Variants in DGKI observed in about 807,000 individuals in gnomAD.
The protein encoded by DGKI is diacylglycerol kinase iota.
In DGKI, 55 loss-of-function variants were observed where a neutral mutation model predicts 147.5. The ratio of observed to expected loss-of-function variants is 0.37; its 90% CI spans 0.30 to 0.47. DGKI has a LOEUF of 0.47. Among genes scored for constraint, DGKI ranks in the 20% least tolerant of loss-of-function variants. The pLI, the probability that DGKI is intolerant of heterozygous loss-of-function variation, is 1.00. For synonymous variants in DGKI, 469 were observed against 477.1 expected, an observed-to-expected ratio of 0.98 and a Z score of 0.22; for missense variants, 1,007 against 1,323.8, an observed-to-expected ratio of 0.76 and a Z score of 3.71.
At chr7:137,569,388 TAG>T (rs1459796509) in intron 19 of DGKI, among the ~76,000 whole-genome samples, 1 of 151,902 alleles carries the variant, frequency 6.6e-6, no homozygotes, top group Non-Finnish European at 1.5e-5. Context: ...ATGGACAGTT[TAG>T]AGAGTTTTTT....
intron 21 of DGKI, among the ~76,000 whole-genome samples, chr7:137,501,983 A>G (rs1418180115): frequency 6.6e-6 from 1 of 152,146 alleles, no homozygotes; most frequent in South Asian, 2.1e-4. Flanking sequence ...TGGTTTTAAA[A>G]ATGGGAGTTT....
At position 137,828,103 on chromosome 7, in the gene DGKI, G is replaced by A. The variant is rs1798112360; in HGVS notation, c.401+18359C>T. On this transcript the variant is annotated intron_variant, in intron 1 of 32. Coordinates refer to ENST00000614521, the MANE Select transcript of DGKI (RefSeq NM_001321708.2). ...CAGCCTGTAGACAGGTCAATGTCTT[G>A]CTTCTCTCTATCACCAAGCCATAAA... Among the ~76,000 whole-genome samples, 3 of 152,164 alleles carry A rather than the reference G, an allele frequency of 2.0e-5. No individual in the cohort carries two copies. The South Asian group carries it at 6.2e-4, about 32-fold the overall frequency.
In DGKI at chr7:137,844,826, T is replaced by C. The variant is rs117453451; in HGVS notation, c.401+1636A>G. Among the ~76,000 whole-genome samples, 720 of 152,292 alleles carry C rather than the reference T, an allele frequency of 4.7e-3. 3 individuals are homozygous for C. Among genetic ancestry groups the C allele is most frequent in the Admixed American group, 7.4e-3 (113 of 15,304 alleles). On this transcript the variant is annotated intron_variant, in intron 1 of 32. Transcript: ENST00000614521. Reference sequence around the variant, plus strand: ...CTTGCAAACTCTGGCTTTGTCTTCCTACCCAGTGAGGACTCTGATGAATAC... The same window carrying C: ...CTTGCAAACTCTGGCTTTGTCTTCCCACCCAGTGAGGACTCTGATGAATAC...
chr7:137,814,182 G>C (rs1026855313), intron 1 of DGKI, among the ~76,000 whole-genome samples: 2 of 152,122 alleles, frequency 1.3e-5, no homozygotes, highest in Non-Finnish European at 2.9e-5. Context: ...CCGGAGAGTA[G>C]GATGACCCCA....
chr7:137,749,680 C>A (rs1301678867), intron 1 of DGKI, among the ~76,000 whole-genome samples: 1 of 152,078 alleles, frequency 6.6e-6, no homozygotes, highest in East Asian at 1.9e-4. Context: ...GAAGTTTACT[C>A]CAAATTTATC....
At chr7:137,396,576 C>G (rs1811561609) in intron 31 of DGKI, among the ~76,000 whole-genome samples, 1 of 152,188 alleles carries the variant, frequency 6.6e-6, no homozygotes, top group South Asian at 2.1e-4. Context: ...TGGACCAGCT[C>G]TATGGAGTGA....
intron 13 of DGKI, 95 bp from the exon 14 acceptor site, chr7:137,585,441 T>C: frequency 1.4e-6 from 2 of 1,446,530 alleles, no homozygotes; most frequent in Non-Finnish European, 1.9e-6. Context: ...CGTTATATTG[T>C]TTATTTTATA....
chr7:137,410,048 A>G (rs553068641), intron 29 of DGKI, among the ~76,000 whole-genome samples: 1 of 152,324 alleles, frequency 6.6e-6, no homozygotes, highest in East Asian at 1.9e-4. Flanking sequence ...GGAAAATAAG[A>G]AAATATGTAA....
At chr7:137,553,652 A>T (rs1056189926) in intron 19 of DGKI, among the ~76,000 whole-genome samples, 3 of 152,224 alleles carry the variant, frequency 2.0e-5, no homozygotes, top group Non-Finnish European at 2.9e-5. Context: ...AAATTTTATT[A>T]TACAGTTTAA....
chr7:137,805,565 AC>A (rs1255902684), intron 1 of DGKI, among the ~76,000 whole-genome samples: 1 of 152,192 alleles, frequency 6.6e-6, no homozygotes, highest in East Asian at 1.9e-4. Context: ...AATGGAAAAA[AC>A]CATGTTCTTC....
intron 18 of DGKI, among the ~76,000 whole-genome samples, chr7:137,571,578 A>C (rs1818795192): frequency 6.6e-6 from 1 of 152,206 alleles, no homozygotes; most frequent in African/African-American, 2.4e-5. Context: ...TCTATGATAT[A>C]TCATGAATTA....
In DGKI at chr7:137,598,134, G is replaced by A. The variant is rs775731042; in HGVS notation, c.1251-227C>T. ...ATTATTTTTGAATGAATAATTCAAC[G>A]TTGGAATTTAAGGGATTTTAGGATG... On this transcript the variant is annotated intron_variant, in intron 11 of 32. Coordinates refer to ENST00000614521, the MANE Select transcript of DGKI (RefSeq NM_001321708.2). 5.9e-5 allele frequency among the ~76,000 whole-genome samples: 9 copies of A among 152,166 alleles called. No homozygotes were observed. In the South Asian group the frequency reaches 8.3e-4, roughly 14 times the overall value.
rs748924300 is a variant in DGKI, at chr7:137,388,794, A to C, written c.*2426T>G. On this transcript the variant is annotated 3_prime_UTR_variant, in exon 33 of 33. Coordinates refer to ENST00000614521, the MANE Select transcript of DGKI (RefSeq NM_001321708.2). ...TATTGGTCTCCATGAATAACACAGG[A>C]CTCTAATGCCTTTTTTTTTTTTGGT... 2.0e-5 allele frequency: 3 copies of C among 149,114 alleles called. No individual in the cohort carries two copies. The highest frequency in any genetic ancestry group is 4.4e-5 in the Non-Finnish European group (3 of 67,580). 9.2% of individuals were successfully genotyped at this position (149,114 alleles called of 1,614,324 possible).
At chr7:137,765,349 G>A (rs1400427809) in intron 1 of DGKI, among the ~76,000 whole-genome samples, 2 of 152,036 alleles carry the variant, frequency 1.3e-5, no homozygotes, top group Non-Finnish European at 2.9e-5. Context: ...ATGTCATTGT[G>A]TTATTTTTAA....
At chr7:137,633,081 G>A (rs1041495251) in intron 6 of DGKI, among the ~76,000 whole-genome samples, 12 of 151,712 alleles carry the variant, frequency 7.9e-5, no homozygotes, top group African/African-American at 1.9e-4. Flanking sequence ...GCGTGGTGAC[G>A]CATGCCCATA....
At chr7:137,559,282 G>C (rs937784544) in intron 19 of DGKI, among the ~76,000 whole-genome samples, 1 of 150,608 alleles carries the variant, frequency 6.6e-6, no homozygotes, top group East Asian at 2.0e-4. Flanking sequence ...CGTTATAGCC[G>C]GGATGGTCTC....
At chr7:137,426,681 C>G (rs1752242809) in intron 28 of DGKI, among the ~76,000 whole-genome samples, 1 of 151,702 alleles carries the variant, frequency 6.6e-6, no homozygotes, top group African/African-American at 2.4e-5. Context: ...CACACACAGG[C>G]TCAAAATAAA....
chr7:137,587,456 T>C (rs1819447452), intron 12 of DGKI, among the ~76,000 whole-genome samples: 2 of 152,206 alleles, frequency 1.3e-5, no homozygotes, highest in East Asian at 3.8e-4. Context: ...AACCCATTCA[T>C]GCGTGCGTTT....
intron 32 of DGKI, among the ~76,000 whole-genome samples, chr7:137,395,305 C>T (rs1050066609): frequency 3.9e-5 from 6 of 152,204 alleles, no homozygotes; most frequent in African/African-American, 1.4e-4. Context: ...GGCTTCGGAC[C>T]TCAACTCCCA....
Sources: gnomAD v4.1 joint callset for allele counts (sites outside exome capture counted in the v4.1 genomes callset) on GRCh38, gnomAD v4.1.1 for gene constraint, MANE v1.5 for transcripts, NCBI Gene and HGNC (gene_info 2026-07-23, HGNC 2026-07-21) for gene names.